Variants in MARCHF1 observed in about 807,000 individuals in gnomAD.
MARCHF1 encodes the protein E3 ubiquitin-protein ligase MARCHF1.
MARCHF1 carries 40 observed loss-of-function variants against 54.2 expected under a neutral mutation model. That is an observed-to-expected ratio of 0.74 (90% CI 0.57 to 0.96). MARCHF1 has a LOEUF of 0.96. Among genes scored for constraint, MARCHF1 ranks in the 40% least tolerant of loss-of-function variants. The pLI, the probability that MARCHF1 is intolerant of heterozygous loss-of-function variation, is 0.00. For synonymous variants in MARCHF1, 236 were observed against 236.3 expected, an observed-to-expected ratio of 1.00 and a Z score of 0.01; for missense variants, 586 against 656.5, an observed-to-expected ratio of 0.89 and a Z score of 1.17.
chr4:163,956,423 G>A (rs1300255197), intron 3 of MARCHF1, among the ~76,000 whole-genome samples: 1 of 152,106 alleles, frequency 6.6e-6, no homozygotes, highest in Non-Finnish European at 1.5e-5. Flanking sequence ...AGCTAACAAA[G>A]GAAGCCAGTA....
rs561692474 is a variant in MARCHF1 at position 164,088,015 on chromosome 4, T to C, written c.-248+23573A>G. Among the ~76,000 whole-genome samples the C allele has an allele frequency of 2.6e-5, 4 of 152,184 alleles. No homozygotes were observed. The East Asian group carries it at 5.8e-4, about 22-fold the overall frequency. ...ATTGAGATATGACATAAAAATGGTC[T>C]TCATACATATGAATGAGTATTAGAC... On this transcript the variant is annotated intron_variant, in intron 2 of 9. Transcript: ENST00000514618.
chr4:163,634,692 A>G (rs971996966), intron 5 of MARCHF1, among the ~76,000 whole-genome samples: 1 of 151,736 alleles, frequency 6.6e-6, no homozygotes, highest in African/African-American at 2.4e-5. Flanking sequence ...GATCAACGAG[A>G]AAGAAAGTCA....
intron 2 of MARCHF1, among the ~76,000 whole-genome samples, chr4:164,093,561 A>G: frequency 6.6e-6 from 1 of 152,164 alleles, no homozygotes; most frequent in East Asian, 1.9e-4. Flanking sequence ...TATATTTCCC[A>G]GATTCTCTTG....
chr4:163,968,113 A>T (rs572335315), intron 3 of MARCHF1, among the ~76,000 whole-genome samples: 2 of 151,906 alleles, frequency 1.3e-5, no homozygotes, highest in African/African-American at 4.8e-5. Context: ...AACAAGAAAA[A>T]CCCTCTTAGT....
chr4:164,210,103 A>G (rs1731721875), intron 1 of MARCHF1, among the ~76,000 whole-genome samples: 1 of 152,230 alleles, frequency 6.6e-6, no homozygotes, highest in African/African-American at 2.4e-5. Flanking sequence ...TAAATAAAAA[A>G]GCATTTAAAC....
At chr4:164,134,177 G>T (rs538338814) in intron 1 of MARCHF1, among the ~76,000 whole-genome samples, 3 of 152,118 alleles carry the variant, frequency 2.0e-5, no homozygotes, top group Admixed American at 6.5e-5. Context: ...GTCACAGAAA[G>T]CAATTTCTCC....
At chr4:163,650,850 T>G (rs902728680) in intron 5 of MARCHF1, among the ~76,000 whole-genome samples, 1 of 151,940 alleles carries the variant, frequency 6.6e-6, no homozygotes, top group Admixed American at 6.6e-5. Flanking sequence ...CTGAAACAAC[T>G]GGATATGTTG....
At chr4:163,853,040 C>CCTTA (rs1257201791) in intron 4 of MARCHF1, among the ~76,000 whole-genome samples, 1 of 152,140 alleles carries the variant, frequency 6.6e-6, no homozygotes, top group Non-Finnish European at 1.5e-5. Flanking sequence ...GACACCAAAA[C>CCTTA]AGCCAGCACC....
At position 163,663,559 on chromosome 4, in the gene MARCHF1, CTTA is replaced by C. The variant is rs537981309; in HGVS notation, c.162+37251_162+37253del. On this transcript the variant is annotated intron_variant, in intron 5 of 9. Coordinates refer to ENST00000514618, the MANE Select transcript of MARCHF1 (RefSeq NM_001394959.1). Reference sequence around the variant, plus strand: ...TGCAACATTGCTTGTCTCTAATTGTCTTATTTTCATCTTTGCAATCATGGGTTT... The same window carrying C: ...TGCAACATTGCTTGTCTCTAATTGTCTTTTCATCTTTGCAATCATGGGTTT... Among the ~76,000 whole-genome samples the C allele has an allele frequency of 1.5e-3, 230 of 152,078 alleles. 3 individuals are homozygous for C. The highest frequency in any genetic ancestry group is 2.5e-3 in the Non-Finnish European group (173 of 67,980).
intron 1 of MARCHF1, chr4:164,197,473 G>A: frequency 6.2e-7 from 1 of 1,613,602 alleles, no homozygotes. Flanking sequence ...ACACTTTTCT[G>A]CCAATACTTC....
intron 1 of MARCHF1, among the ~76,000 whole-genome samples, chr4:164,350,116 A>C (rs1429696278): frequency 6.6e-6 from 1 of 152,220 alleles, no homozygotes; most frequent in Non-Finnish European, 1.5e-5. Flanking sequence ...AAATATATAC[A>C]TATTTTAATA....
At chr4:164,276,583 G>C (rs928472711) in intron 1 of MARCHF1, among the ~76,000 whole-genome samples, 1 of 150,700 alleles carries the variant, frequency 6.6e-6, no homozygotes, top group African/African-American at 2.4e-5. Context: ...ATAACATAAA[G>C]GTGACATTTT....
intron 1 of MARCHF1, among the ~76,000 whole-genome samples, chr4:164,190,739 G>C (rs932028832): frequency 6.6e-6 from 1 of 152,172 alleles, no homozygotes; most frequent in Admixed American, 6.5e-5. Context: ...ATCTGAGAAT[G>C]TCCAACTTTT....
intron 5 of MARCHF1, among the ~76,000 whole-genome samples, chr4:163,659,212 A>G (rs1743257370): frequency 6.6e-6 from 1 of 151,944 alleles, no homozygotes; most frequent in African/African-American, 2.4e-5. Context: ...AAATCTAAGG[A>G]TTCATGATTT....
intron 2 of MARCHF1, among the ~76,000 whole-genome samples, chr4:164,023,593 C>T (rs1169926196): frequency 2.0e-5 from 3 of 152,176 alleles, no homozygotes; most frequent in Non-Finnish European, 4.4e-5. Context: ...ATTGGCTATA[C>T]TCAGCTTACA....
intron 1 of MARCHF1, among the ~76,000 whole-genome samples, chr4:164,352,203 G>C (rs1485081177): frequency 8.3e-6 from 1 of 121,172 alleles, no homozygotes; most frequent in African/African-American, 2.8e-5. Flanking sequence ...TATTATCCAG[G>C]AGAACTTCCC....
At chr4:164,262,940 G>C (rs1733507360) in intron 1 of MARCHF1, among the ~76,000 whole-genome samples, 1 of 152,088 alleles carries the variant, frequency 6.6e-6, no homozygotes. Context: ...GTAATGCTAA[G>C]GATATAACAA....
At chr4:164,341,624 C>G (rs1015982751) in intron 1 of MARCHF1, among the ~76,000 whole-genome samples, 5 of 152,152 alleles carry the variant, frequency 3.3e-5, no homozygotes, top group Non-Finnish European at 5.9e-5. Context: ...TAAATGGCAT[C>G]AGGTTGCTGT....
At chr4:163,787,731 A>G (rs1747662050) in intron 4 of MARCHF1, among the ~76,000 whole-genome samples, 2 of 151,994 alleles carry the variant, frequency 1.3e-5, no homozygotes, top group Non-Finnish European at 2.9e-5. Flanking sequence ...GCAGGTATAC[A>G]TCCAAAATAA....
Sources: gnomAD v4.1 joint callset for allele counts (sites outside exome capture counted in the v4.1 genomes callset) on GRCh38, gnomAD v4.1.1 for gene constraint, MANE v1.5 for transcripts, NCBI Gene and HGNC (gene_info 2026-07-23, HGNC 2026-07-21) for gene names.